Variants in ARL3 observed in about 807,000 individuals in gnomAD.
The protein encoded by ARL3 is ARF like GTPase 3, also known as ADP-ribosylation factor-like protein 3.
Under a neutral mutation model 26.0 loss-of-function variants are expected in ARL3, and 9 were observed. The ratio of observed to expected loss-of-function variants is 0.35; its 90% CI spans 0.21 to 0.60. The LOEUF is 0.60. Among genes scored for constraint, ARL3 ranks in the 20% least tolerant of loss-of-function variants. The pLI is 0.78. For synonymous variants in ARL3, 71 were observed against 78.4 expected, an observed-to-expected ratio of 0.91 and a Z score of 0.50; for missense variants, 158 against 215.7, an observed-to-expected ratio of 0.73 and a Z score of 1.67.
At chr10:102,701,271 G>A (rs1228418170) in intron 2 of ARL3, among the ~76,000 whole-genome samples, 1 of 152,202 alleles carries the variant, frequency 6.6e-6, no homozygotes, top group African/African-American at 2.4e-5. Context: ...TGCTACCACA[G>A]AAGAGACATT....
intron 1 of ARL3, among the ~76,000 whole-genome samples, chr10:102,709,152 C>T (rs1392891605): frequency 2.6e-5 from 4 of 151,584 alleles, no homozygotes; most frequent in Admixed American, 6.6e-5. Flanking sequence ...GCAATCTGCC[C>T]GTGACGGCCT....
Position 102,682,991 on chromosome 10 carries a change from T to A in ARL3, c.501+2825A>T, listed in dbSNP as rs186722292. 5.9e-5 allele frequency among the ~76,000 whole-genome samples: 9 copies of A among 152,340 alleles called. No individual in the cohort carries two copies. In the East Asian group the frequency reaches 1.5e-3, roughly 26 times the overall value. On this transcript the variant is annotated intron_variant, in intron 5 of 5. Transcript: ENST00000260746. Reference sequence around the variant, plus strand: ...ACGTTTGAAAGTGAACCTCAAACCATTCGATCTTTATTGATATTTTTCTAG... The same window carrying A: ...ACGTTTGAAAGTGAACCTCAAACCAATCGATCTTTATTGATATTTTTCTAG...
chr10:102,692,485 G>A (rs903904344), intron 3 of ARL3, among the ~76,000 whole-genome samples: 3 of 151,730 alleles, frequency 2.0e-5, no homozygotes, highest in Non-Finnish European at 2.9e-5. Flanking sequence ...GTGTGATCTC[G>A]GCTCACTGCA....
chr10:102,687,142 G>A (rs1364061478), intron 4 of ARL3, among the ~76,000 whole-genome samples: 1 of 151,738 alleles, frequency 6.6e-6, no homozygotes, highest in Non-Finnish European at 1.5e-5. Context: ...GCCTCCCAAA[G>A]TGCTGGGATT....
At chr10:102,687,808 T>A (rs1441926508) in intron 4 of ARL3, among the ~76,000 whole-genome samples, 2 of 152,176 alleles carry the variant, frequency 1.3e-5, no homozygotes, top group African/African-American at 4.8e-5. Flanking sequence ...ATTATAGCGA[T>A]GAGCCATCAC....
chr10:102,700,770 C>CTTTT (rs34708600), intron 2 of ARL3, among the ~76,000 whole-genome samples: 16 of 98,638 alleles, frequency 1.6e-4, no homozygotes, highest in African/African-American at 2.7e-4. Flanking sequence ...AGCCGGAAGT[C>CTTTT]TTTTTTTTTT....
intron 2 of ARL3, among the ~76,000 whole-genome samples, chr10:102,703,425 CTTTTTTTTTTTTTTTTTTTTTT>C (rs57721161): frequency 1.2e-4 from 6 of 48,478 alleles, no homozygotes; most frequent in African/African-American, 1.7e-4. Flanking sequence ...CAGGACTTGT[CTTTTTTTTTTTTTTTTTTTTTT>C]TTTTTTTTTT....
At position 102,700,770 on chromosome 10, in the gene ARL3, C is replaced by CTTT. The variant is rs34708600; in HGVS notation, c.148-1284_148-1282dup. ...TGCGCCACTGTGCCCAGCCGGAAGTCTTTTTTTTTTTTTTTTTTTTGCAGA... is the reference window on the plus strand; with the variant it reads ...TGCGCCACTGTGCCCAGCCGGAAGTCTTTTTTTTTTTTTTTTTTTTTTTGCAGA... On this transcript the variant is annotated intron_variant, in intron 2 of 5. Coordinates refer to ENST00000260746, the MANE Select transcript of ARL3 (RefSeq NM_004311.4). Among the ~76,000 whole-genome samples, 55 of 98,634 alleles carry CTTT rather than the reference C, an allele frequency of 5.6e-4. 1 individual carries two copies. The highest frequency in any genetic ancestry group is 1.1e-3 in the African/African-American group (29 of 25,754). The allele number at this position is 98,634 out of a possible 152,430, so 64.7% of individuals were successfully genotyped here. A position where few individuals can be genotyped will look rare whatever the true frequency, so the allele number is the denominator to read the frequency against.
chr10:102,705,341 C>T lies in ARL3; in HGVS notation c.147+5G>A. ...CACGGCATCTGGAGCCAAGGCAGTG[C>T]TCACCTGTGTAGGTGTGATGTGGCT... On this transcript the variant is annotated splice_donor_5th_base_variant and intron_variant, in intron 2 of 5. Coordinates refer to ENST00000260746, the MANE Select transcript of ARL3 (RefSeq NM_004311.4). 6.3e-7 allele frequency: 1 copy of T among 1,575,016 alleles called. No individual in the cohort carries two copies. The highest frequency in any genetic ancestry group is 8.7e-7 in the Non-Finnish European group (1 of 1,153,456).
chr10:102,700,700 A>G (rs986268556), intron 2 of ARL3, among the ~76,000 whole-genome samples: 6 of 149,928 alleles, frequency 4.0e-5, no homozygotes, highest in Admixed American at 4.0e-4. Flanking sequence ...TCCTGACCTC[A>G]TGATCCGCCC....
intron 5 of ARL3, among the ~76,000 whole-genome samples, chr10:102,677,686 G>A (rs2064136999): frequency 6.6e-6 from 1 of 152,132 alleles, no homozygotes; most frequent in East Asian, 1.9e-4. Context: ...CCTGTCAGAG[G>A]TGAACTCCTT....
In ARL3 at chr10:102,687,414, T is replaced by A. The variant is rs569830174; in HGVS notation, c.316-1413A>T. On this transcript the variant is annotated intron_variant, in intron 4 of 5. Coordinates refer to ENST00000260746, the MANE Select transcript of ARL3 (RefSeq NM_004311.4). ...CCATGCCCAGCTAATTAAAAAAAAA[T>A]TTTTTTTGGCCAGGCGCGGTGGCTC... 2.5e-4 allele frequency among the ~76,000 whole-genome samples: 38 copies of A among 151,392 alleles called. No individual in the cohort carries two copies. The South Asian group carries it at 3.8e-3, about 15-fold the overall frequency.
chr10:102,711,336 GTATA>G (rs201365195), intron 1 of ARL3, among the ~76,000 whole-genome samples: 4,886 of 71,286 alleles, frequency 0.069, 109 homozygotes, highest in South Asian at 0.19. Context: ...GTGTGTGTGT[GTATA>G]TATATATATA....
intron 5 of ARL3, among the ~76,000 whole-genome samples, chr10:102,680,293 C>T (rs7907503): frequency 0.32 from 47,985 of 151,902 alleles, 7,978 homozygotes; most frequent in African/African-American, 0.36. Flanking sequence ...TACATTTGAT[C>T]TTCATTATGG....
chr10:102,706,125 G>A (rs979741634), intron 1 of ARL3, among the ~76,000 whole-genome samples: 2 of 151,896 alleles, frequency 1.3e-5, no homozygotes, highest in African/African-American at 2.4e-5. Flanking sequence ...TAACACCATG[G>A]ACCCACAAAA....
At chr10:102,705,200 TGAAA>T in intron 2 of ARL3, 142 bp downstream of exon 2, 1 of 933,222 alleles carries the variant, frequency 1.1e-6, no homozygotes, top group Non-Finnish European at 1.5e-6. Flanking sequence ...TACATATTTT[TGAAA>T]TCTGGTTATC....
intron 2 of ARL3, among the ~76,000 whole-genome samples, chr10:102,701,566 C>G (rs1173160603): frequency 1.3e-5 from 2 of 152,176 alleles, no homozygotes; most frequent in Non-Finnish European, 2.9e-5. Flanking sequence ...TTCATTGTGA[C>G]TCACTGGCAA....
chr10:102,683,182 C>A (rs1454263191), intron 5 of ARL3, among the ~76,000 whole-genome samples: 2 of 152,166 alleles, frequency 1.3e-5, no homozygotes, highest in Non-Finnish European at 2.9e-5. Flanking sequence ...AGAGGCACCA[C>A]CTTAGGGAGG....
chr10:102,687,562 C>T (rs188650040), intron 4 of ARL3, among the ~76,000 whole-genome samples: 1 of 152,104 alleles, frequency 6.6e-6, no homozygotes, highest in African/African-American at 2.4e-5. Context: ...GTGGTGGGCA[C>T]ATGTAGTCCC....
Sources: gnomAD v4.1 joint callset for allele counts (sites outside exome capture counted in the v4.1 genomes callset) on GRCh38, gnomAD v4.1.1 for gene constraint, MANE v1.5 for transcripts, NCBI Gene and HGNC (gene_info 2026-07-23, HGNC 2026-07-21) for gene names.